VEPH1: variants seen among roughly 807,000 people sequenced by gnomAD.
The protein encoded by VEPH1 is ventricular zone-expressed PH domain-containing protein homolog 1.
VEPH1 carries 80 observed loss-of-function variants against 85.2 expected under a neutral mutation model. The ratio of observed to expected loss-of-function variants is 0.94; its 90% CI spans 0.78 to 1.13. VEPH1 has a LOEUF of 1.13. VEPH1 is among the 50% of genes most tolerant of loss of function. The probability of loss-of-function intolerance (pLI) is 0.00; values close to 1 mark genes in which losing one functional copy is unlikely to be tolerated. For missense variants in VEPH1, 955 were observed against 980.5 expected (o/e 0.97, Z 0.35); for synonymous variants, 297 against 348.0 (o/e 0.85, Z 1.63).
intron 11 of VEPH1, among the ~76,000 whole-genome samples, chr3:157,304,290 A>G (rs911731850): frequency 2.6e-5 from 4 of 151,928 alleles, no homozygotes; most frequent in African/African-American, 4.8e-5. Context: ...AAATCACCAA[A>G]TGTTAGCCAG....
At chr3:157,313,234 A>C (rs1342090762) in intron 11 of VEPH1, among the ~76,000 whole-genome samples, 1 of 151,678 alleles carries the variant, frequency 6.6e-6, no homozygotes, top group East Asian at 1.9e-4. Flanking sequence ...GAGTCTTGCC[A>C]TGATGTTCAG....
intron 5 of VEPH1, among the ~76,000 whole-genome samples, chr3:157,416,107 T>C (rs1251301042): frequency 1.3e-5 from 2 of 152,166 alleles, no homozygotes; most frequent in African/African-American, 4.8e-5. Context: ...ATACAGAGCT[T>C]ATCCACAAGT....
At chr3:157,356,908 A>C (rs1692901270) in intron 9 of VEPH1, among the ~76,000 whole-genome samples, 2 of 152,192 alleles carry the variant, frequency 1.3e-5, no homozygotes, top group African/African-American at 2.4e-5. Context: ...CTTGGAGTAA[A>C]GACAGTCCCC....
Position 157,419,683 on chromosome 3 carries a change from C to T in VEPH1, c.697-5593G>A, listed in dbSNP as rs139659131. On this transcript the variant is annotated intron_variant, in intron 5 of 13. Coordinates refer to ENST00000362010, the MANE Select transcript of VEPH1 (RefSeq NM_001167912.2). ...AAAGTCAAGAAGAAATAGATGCTGG[C>T]GAGGTTGTGGAGAAAAAGGAACATT... Among the ~76,000 whole-genome samples, 19 of 152,028 alleles carry T rather than the reference C, an allele frequency of 1.2e-4. No individual in the cohort carries two copies. In the East Asian group the frequency reaches 2.1e-3, roughly 17 times the overall value.
At chr3:157,320,436 C>T (rs994684253) in intron 9 of VEPH1, among the ~76,000 whole-genome samples, 1 of 152,200 alleles carries the variant, frequency 6.6e-6, no homozygotes, top group African/African-American at 2.4e-5. Flanking sequence ...ACCCTGAAAG[C>T]AATCACATAA....
Position 157,286,571 on chromosome 3 carries a change from GGA to G in VEPH1, c.2112_2113del (p.Pro705Ter). The G allele has an allele frequency of 6.2e-7, 1 of 1,613,980 alleles. No individual in the cohort carries two copies. Among genetic ancestry groups the G allele is most frequent in the Non-Finnish European group, 8.5e-7 (1 of 1,179,864 alleles). On this transcript the variant is annotated frameshift_variant, in exon 12 of 14. Coordinates refer to ENST00000362010, the MANE Select transcript of VEPH1 (RefSeq NM_001167912.2). LOFTEE classifies it high-confidence loss of function. ...GGGTCTCTCACCAGTTGCTTTCTCA[GGA>G]TTGTTGCACATGAAGCATTGCCATG...
chr3:157,302,946 T>G (rs1200123988), intron 11 of VEPH1, among the ~76,000 whole-genome samples: 1 of 150,090 alleles, frequency 6.7e-6, no homozygotes, highest in Non-Finnish European at 1.5e-5. Flanking sequence ...TTCTATTTAT[T>G]TTTCATCTCG....
chr3:157,429,200 G>T (rs1577634069), intron 4 of VEPH1, among the ~76,000 whole-genome samples: 1 of 152,118 alleles, frequency 6.6e-6, no homozygotes, highest in Non-Finnish European at 1.5e-5. Context: ...TCACTCTATG[G>T]TATAGATTTT....
chr3:157,300,244 T>C (rs928244877), intron 11 of VEPH1, among the ~76,000 whole-genome samples: 7 of 152,150 alleles, frequency 4.6e-5, no homozygotes, highest in Non-Finnish European at 7.3e-5. Flanking sequence ...ACCCAACCAC[T>C]ATTAGATTAG....
chr3:157,285,544 CT>C (rs1716658533), intron 12 of VEPH1, among the ~76,000 whole-genome samples: 1 of 152,282 alleles, frequency 6.6e-6, no homozygotes, highest in Non-Finnish European at 1.5e-5. Flanking sequence ...CAATGGCTGC[CT>C]AGAAGATGGC....
At chr3:157,452,223 A>C (rs1053817925) in intron 4 of VEPH1, among the ~76,000 whole-genome samples, 4 of 152,160 alleles carry the variant, frequency 2.6e-5, no homozygotes, top group African/African-American at 9.7e-5. Context: ...GTCTGGGTAC[A>C]TCTTGCAAAT....
intron 9 of VEPH1, among the ~76,000 whole-genome samples, chr3:157,338,691 A>G (rs987239778): frequency 6.6e-6 from 1 of 152,216 alleles, no homozygotes; most frequent in African/African-American, 2.4e-5. Context: ...ATATTGCATC[A>G]TAAGACAATT....
intron 4 of VEPH1, among the ~76,000 whole-genome samples, chr3:157,440,183 CT>C (rs564683460): frequency 5.3e-4 from 81 of 152,234 alleles, no homozygotes; most frequent in Non-Finnish European, 1.0e-3. Flanking sequence ...GAATCACTGC[CT>C]CATTAAAAAT....
At chr3:157,473,495 T>C (rs73158525) in intron 2 of VEPH1, among the ~76,000 whole-genome samples, 22,560 of 152,140 alleles carry the variant, frequency 0.15, 2,145 homozygotes, top group African/African-American at 0.25. Flanking sequence ...CTGAGATCTA[T>C]ATATTTTATA....
chr3:157,383,372 C>T (rs1245684433), intron 6 of VEPH1, among the ~76,000 whole-genome samples: 1 of 152,196 alleles, frequency 6.6e-6, no homozygotes, highest in Admixed American at 6.5e-5. Flanking sequence ...CATCAGTCAT[C>T]AACCTGGCAC....
At chr3:157,503,095 T>G (rs1740241219) in intron 1 of VEPH1, among the ~76,000 whole-genome samples, 182 bp downstream of exon 1, 1 of 152,184 alleles carries the variant, frequency 6.6e-6, no homozygotes, top group African/African-American at 2.4e-5. Context: ...CCGAAATGCC[T>G]GCATACATGG....
Position 157,398,166 on chromosome 3 carries a change from GTACATACCAC to G in VEPH1, c.906+15705_906+15714del, listed in dbSNP as rs200048040. ...TCACAACCTGCTCAACCCTGATCAC[GTACATACCAC>G]TTCTCTTTGATGATGGAATACTGCA... On this transcript the variant is annotated intron_variant, in intron 6 of 13. Coordinates refer to ENST00000362010, the MANE Select transcript of VEPH1 (RefSeq NM_001167912.2). 3.0e-3 allele frequency among the ~76,000 whole-genome samples: 459 copies of G among 152,236 alleles called. 9 individuals carry two copies. The East Asian group carries it at 0.044, about 15-fold the overall frequency.
chr3:157,416,585 A>T (rs2109048290), intron 5 of VEPH1, among the ~76,000 whole-genome samples: 1 of 152,166 alleles, frequency 6.6e-6, no homozygotes, highest in East Asian at 1.9e-4. Flanking sequence ...CCCATTCTAT[A>T]AAGTTTCATT....
intron 4 of VEPH1, chr3:157,436,975 A>G (rs750852108): frequency 6.2e-7 from 1 of 1,613,992 alleles, no homozygotes; most frequent in Admixed American, 1.7e-5. Flanking sequence ...TCTGGTCTGC[A>G]GTGTTGGCCG....
Sources: gnomAD v4.1 joint callset for allele counts (sites outside exome capture counted in the v4.1 genomes callset) on GRCh38, gnomAD v4.1.1 for gene constraint, MANE v1.5 for transcripts, NCBI Gene and HGNC (gene_info 2026-07-23, HGNC 2026-07-21) for gene names.